Variants in NELFB observed in about 807,000 individuals in gnomAD.
The protein encoded by NELFB is negative elongation factor complex member B.
NELFB carries 34 observed loss-of-function variants against 60.2 expected under a neutral mutation model. The observed-to-expected ratio is 0.56, with a 90% CI of 0.43 to 0.75. The LOEUF (loss-of-function observed/expected upper bound fraction) is 0.75, where lower values mean the gene tolerates loss of function less well. NELFB is among the 30% of genes least tolerant of loss of function. NELFB has a pLI of 0.00. For synonymous variants in NELFB, 459 were observed against 382.1 expected, an observed-to-expected ratio of 1.20 and a Z score of -2.35; for missense variants, 770 against 831.6, an observed-to-expected ratio of 0.93 and a Z score of 0.91.
In NELFB at chr9:137,257,066, G is replaced by C; in HGVS notation, c.741+12G>C. On this transcript the variant is annotated intron_variant, in intron 4 of 12. Transcript: ENST00000343053. Reference sequence around the variant, plus strand: ...GGCGCCAGGGCGAGGTGAGGGGACAGGCCGTGTGCGGGGTGGGGCACCTCT... The same window carrying C: ...GGCGCCAGGGCGAGGTGAGGGGACACGCCGTGTGCGGGGTGGGGCACCTCT... The C allele has an allele frequency of 6.2e-7, 1 of 1,605,664 alleles. No individual in the cohort carries two copies. The highest frequency in any genetic ancestry group is 8.5e-7 in the Non-Finnish European group (1 of 1,175,188).
intron 9 of NELFB, 69 bp downstream of exon 9, chr9:137,267,155 G>A: frequency 1.2e-6 from 2 of 1,611,890 alleles, no homozygotes; most frequent in Non-Finnish European, 1.7e-6. Flanking sequence ...CCAGGGGGCT[G>A]CCTCAGGGCT....
Position 137,255,626 on chromosome 9 carries a change from G to A in NELFB, c.246+15G>A. ...AGCAGTTCCAGGTGGGGCGGCCCCC[G>A]GGGCGGGGGGAGCCCAGTTGGAGGG... On this transcript the variant is annotated intron_variant, in intron 1 of 12. Transcript: ENST00000343053. 6.5e-7 allele frequency: 1 copy of A among 1,541,292 alleles called. No homozygotes were observed. Among genetic ancestry groups the A allele is most frequent in the Non-Finnish European group, 8.7e-7 (1 of 1,143,738 alleles).
chr9:137,263,323 T>G, intron 5 of NELFB, 101 bp downstream of exon 5: 1 of 959,698 alleles, frequency 1.0e-6, no homozygotes, highest in Non-Finnish European at 1.4e-6. Context: ...CTTCCCCCAC[T>G]GCCCTCCTGA....
At chr9:137,271,665 C>T (rs1045119000) in intron 10 of NELFB, among the ~76,000 whole-genome samples, 2 of 152,236 alleles carry the variant, frequency 1.3e-5, no homozygotes, top group Non-Finnish European at 2.9e-5. Context: ...CAGCTGGCGC[C>T]GGCCCTGTAT....
At chr9:137,266,190 C>T (rs1157663780) in intron 7 of NELFB, 141 bp from the exon 8 acceptor site, 18 of 791,890 alleles carry the variant, frequency 2.3e-5, no homozygotes, top group South Asian at 1.4e-4. Context: ...CGTTTCACCC[C>T]GTGTGTGGGG....
At chr9:137,270,577 G>A (rs964644495) in intron 10 of NELFB, among the ~76,000 whole-genome samples, 5 of 151,900 alleles carry the variant, frequency 3.3e-5, no homozygotes, top group African/African-American at 7.3e-5. Context: ...GTGACAGAGC[G>A]AGACTCCGTC....
chr9:137,269,433 C>T lies in NELFB; in HGVS notation c.1489+2087C>T, dbSNP rs765942373. On this transcript the variant is annotated intron_variant, in intron 10 of 12. Transcript: ENST00000343053. This position sits in a 1 kb window ranked among gnomAD's most constrained non-coding sequence, Gnocchi z 5.3. ...CGGTTTGTTTATTTTTTGAGACTTCCGGGAACATAGTTATAAATAACTTTA... is the reference window on the plus strand; with the variant it reads ...CGGTTTGTTTATTTTTTGAGACTTCTGGGAACATAGTTATAAATAACTTTA... Among the ~76,000 whole-genome samples the T allele has an allele frequency of 1.5e-4, 23 of 152,162 alleles. No homozygotes were observed. The highest frequency in any genetic ancestry group is 2.6e-4 in the Non-Finnish European group (18 of 68,034).
chr9:137,257,205 C>T, intron 4 of NELFB, 151 bp downstream of exon 4: 1 of 654,596 alleles, frequency 1.5e-6, no homozygotes, highest in African/African-American at 1.8e-5. Flanking sequence ...CTGGCTTGTA[C>T]ACATGCTGGA....
chr9:137,261,979 C>CAG (rs61420748), intron 4 of NELFB, among the ~76,000 whole-genome samples: 326 of 148,762 alleles, frequency 2.2e-3, no homozygotes, highest in Middle Eastern at 3.5e-3. Context: ...GCAGCCTAGG[C>CAG]AGAGAGAGAG....
At chr9:137,266,273 A>G in intron 7 of NELFB, 58 bp from the exon 8 acceptor site, 1 of 1,462,130 alleles carries the variant, frequency 6.8e-7, no homozygotes, top group Non-Finnish European at 9.4e-7. Context: ...GGGTCAGAGG[A>G]GCTCCATGGC....
rs577561262 is a variant in NELFB at position 137,264,552 on chromosome 9, G to A, written c.1040+195G>A. On this transcript the variant is annotated intron_variant, in intron 6 of 12. Coordinates refer to ENST00000343053, the MANE Select transcript of NELFB (RefSeq NM_015456.5). ...GCAATCTCTGCTCACTGCAACCTCC[G>A]CCTCCTAGGCTTAAGCCATTCTCCT... 5.3e-5 allele frequency among the ~76,000 whole-genome samples: 8 copies of A among 152,312 alleles called. No homozygotes were observed. The East Asian group carries it at 9.6e-4, about 18-fold the overall frequency.
At chr9:137,267,649 G>A (rs961754949) in intron 10 of NELFB, among the ~76,000 whole-genome samples, 9 of 151,774 alleles carry the variant, frequency 5.9e-5, no homozygotes, top group Non-Finnish European at 1.3e-4. Context: ...GCGTGCCACC[G>A]TGCCAGGCTA....
chr9:137,260,325 C>T (rs1260201063), intron 4 of NELFB, among the ~76,000 whole-genome samples: 13 of 148,668 alleles, frequency 8.7e-5, no homozygotes, highest in East Asian at 3.9e-4. Flanking sequence ...GCTGGGATTA[C>T]GGGCGTGAGC....
chr9:137,272,507 G>C lies in NELFB; in HGVS notation c.1632G>C (p.Arg544Ser). The C allele has an allele frequency of 6.2e-7, 1 of 1,611,532 alleles. No homozygotes were observed. Among genetic ancestry groups the C allele is most frequent in the Non-Finnish European group, 8.5e-7 (1 of 1,179,260 alleles). The change falls in exon 12 of 13, where the codon AGG becomes AGC. Residue 544 changes from arginine (R) to serine (S), a missense_variant and splice_region_variant. By Grantham distance (110) the Arg-to-Ser change is moderately radical (BLOSUM62 -1). Coordinates refer to ENST00000343053, the MANE Select transcript of NELFB (RefSeq NM_015456.5). Reference sequence around the variant, plus strand: ...CCCAGCCCTGCACGGCCTTTTCCAGGAAGGAGAACGTGCACCGGCACGCGC... The same window carrying C: ...CCCAGCCCTGCACGGCCTTTTCCAGCAAGGAGAACGTGCACCGGCACGCGC...
intron 2 of NELFB, 110 bp downstream of exon 2, chr9:137,256,180 G>A: frequency 7.1e-7 from 1 of 1,402,550 alleles, no homozygotes; most frequent in Non-Finnish European, 1.0e-6. Context: ...GCTCCCAGAG[G>A]TGGCCTGGGC....
chr9:137,270,834 G>T (rs928325946), intron 10 of NELFB, among the ~76,000 whole-genome samples: 2 of 152,124 alleles, frequency 1.3e-5, no homozygotes, highest in Non-Finnish European at 2.9e-5. Context: ...CAGAAGGATC[G>T]CTTGAACCCG....
Position 137,257,199 on chromosome 9 carries a change from C to G in NELFB, c.741+145C>G. The G allele has an allele frequency of 4.5e-6, 3 of 673,310 alleles. No homozygotes were observed. In the Admixed American group the frequency reaches 8.8e-5, roughly 20 times the overall value. The allele number at this position is 673,310 out of a possible 1,614,324, so 41.7% of individuals were successfully genotyped here. A position where few individuals can be genotyped will look rare whatever the true frequency, so the allele number is the denominator to read the frequency against. On this transcript the variant is annotated intron_variant, in intron 4 of 12. Transcript: ENST00000343053. ...TGGCTGGGTGGTGGGGGAGGGCTGG[C>G]TTGTACACATGCTGGAAAGAAAGTT... is the stretch of plus-strand genomic sequence containing the variant.
chr9:137,271,017 G>A (rs1471666820), intron 10 of NELFB, among the ~76,000 whole-genome samples: 1 of 152,276 alleles, frequency 6.6e-6, no homozygotes, highest in Non-Finnish European at 1.5e-5. Flanking sequence ...GACAGTGGCT[G>A]CGCTTCTCCA....
intron 6 of NELFB, among the ~76,000 whole-genome samples, chr9:137,265,054 T>TTTTTTTTTTTTC (rs1554791518): frequency 8.8e-6 from 1 of 114,036 alleles, no homozygotes; most frequent in Non-Finnish European, 2.0e-5. Flanking sequence ...TTTTTTTTTT[T>TTTTTTTTTTTTC]CTGAGACAGG....
Sources: gnomAD v4.1 joint callset for allele counts (sites outside exome capture counted in the v4.1 genomes callset) on GRCh38, gnomAD v4.1.1 for gene constraint, Gnocchi (gnomAD v3.1) non-coding constraint, MANE v1.5 for transcripts, NCBI Gene and HGNC (gene_info 2026-07-23, HGNC 2026-07-21) for gene names.